RAD51B: variants seen among roughly 807,000 people sequenced by gnomAD.
RAD51B encodes DNA repair protein RAD51 homolog 2.
RAD51B carries 38 observed loss-of-function variants against 42.2 expected under a neutral mutation model. That is an observed-to-expected ratio of 0.90 (90% CI 0.70 to 1.18). The LOEUF is 1.18. Among genes scored for constraint, RAD51B ranks in the 50% most tolerant of loss-of-function variants. The pLI, the probability that RAD51B is intolerant of heterozygous loss-of-function variation, is 0.00. For missense variants in RAD51B, 373 were observed against 400.7 expected (o/e 0.93, Z 0.59); for synonymous variants, 154 against 145.2 (o/e 1.06, Z -0.43).
chr14:68,528,555 A>G (rs959068031), intron 10 of RAD51B, among the ~76,000 whole-genome samples: 2 of 152,236 alleles, frequency 1.3e-5, no homozygotes, highest in African/African-American at 4.8e-5. Context: ...CATCTTGACC[A>G]GTAAATGTCA....
chr14:68,563,275 G>T, intron 10 of RAD51B: 2 of 985,398 alleles, frequency 2.0e-6, no homozygotes, highest in Non-Finnish European at 2.4e-6. Context: ...CATCCAGAAT[G>T]GGCCAAGCCG....
At chr14:68,183,025 G>A (rs1420960168) in intron 7 of RAD51B, among the ~76,000 whole-genome samples, 1 of 152,088 alleles carries the variant, frequency 6.6e-6, no homozygotes, top group Non-Finnish European at 1.5e-5. Flanking sequence ...CTTATTTGGG[G>A]GATTTTGACT....
At chr14:68,499,997 G>A (rs1026831185) in intron 10 of RAD51B, among the ~76,000 whole-genome samples, 3 of 152,194 alleles carry the variant, frequency 2.0e-5, no homozygotes, top group Non-Finnish European at 4.4e-5. Context: ...GAGAGAATCT[G>A]GTCGTCTAGA....
At chr14:68,426,404 A>G (rs1169607334) in intron 9 of RAD51B, among the ~76,000 whole-genome samples, 2 of 152,152 alleles carry the variant, frequency 1.3e-5, no homozygotes, top group African/African-American at 2.4e-5. Context: ...GAGGTATCAG[A>G]CAGAAGAGAT....
intron 11 of RAD51B, among the ~76,000 whole-genome samples, chr14:68,663,683 C>T (rs1264490335): frequency 6.6e-6 from 1 of 152,212 alleles, no homozygotes; most frequent in Non-Finnish European, 1.5e-5. Context: ...TGCCTAAAGA[C>T]TTAGGCCTAA....
intron 7 of RAD51B, among the ~76,000 whole-genome samples, chr14:67,940,376 C>A (rs992041012): frequency 6.6e-6 from 1 of 151,946 alleles, no homozygotes. Flanking sequence ...CCGCACCCAG[C>A]CTTCCCAGTC....
intron 10 of RAD51B, among the ~76,000 whole-genome samples, chr14:68,568,215 T>G (rs915036992): frequency 2.6e-5 from 4 of 152,182 alleles, no homozygotes; most frequent in African/African-American, 9.7e-5. Context: ...TAATACAATG[T>G]GAAAAGTGCT....
intron 8 of RAD51B, among the ~76,000 whole-genome samples, chr14:68,355,034 C>G (rs1226819670): frequency 6.6e-6 from 1 of 152,168 alleles, no homozygotes; most frequent in Non-Finnish European, 1.5e-5. Context: ...AGTAAGCTCT[C>G]TGGCTGTAGA....
At chr14:68,227,245 C>T (rs558068354) in intron 7 of RAD51B, among the ~76,000 whole-genome samples, 2 of 152,298 alleles carry the variant, frequency 1.3e-5, no homozygotes, top group African/African-American at 4.8e-5. Flanking sequence ...AGTCTCTTCC[C>T]TTTCTCTCCC....
At chr14:68,037,563 T>A (rs2076153798) in intron 7 of RAD51B, among the ~76,000 whole-genome samples, 1 of 152,088 alleles carries the variant, frequency 6.6e-6, no homozygotes, top group Non-Finnish European at 1.5e-5. Context: ...TTGACCTACA[T>A]GACTAAACCT....
At chr14:68,282,301 C>T (rs117941592) in intron 7 of RAD51B, among the ~76,000 whole-genome samples, 3,626 of 152,182 alleles carry the variant, frequency 0.024, 71 homozygotes, top group Middle Eastern at 0.034. Context: ...TCCTTTTTAA[C>T]GGGCTTGTAC....
At chr14:68,428,917 C>A (rs181997729) in intron 9 of RAD51B, among the ~76,000 whole-genome samples, 1 of 150,914 alleles carries the variant, frequency 6.6e-6, no homozygotes, top group Non-Finnish European at 1.5e-5. Flanking sequence ...CCCCCCACCC[C>A]ACGACAGGCC....
chr14:68,620,281 G>C (rs952156651), intron 10 of RAD51B, among the ~76,000 whole-genome samples: 10 of 152,314 alleles, frequency 6.6e-5, no homozygotes, highest in African/African-American at 1.9e-4. Flanking sequence ...AGATTCCCAA[G>C]TGAGTCAGCA....
intron 7 of RAD51B, among the ~76,000 whole-genome samples, chr14:67,961,552 A>G (rs1216453669): frequency 6.6e-6 from 1 of 152,212 alleles, no homozygotes; most frequent in African/African-American, 2.4e-5. Flanking sequence ...ATTCTTGTAT[A>G]CATTTTGACA....
downstream of RAD51B, among the ~76,000 whole-genome samples, chr14:68,599,743 G>A (rs375111101): frequency 1.8e-4 from 27 of 152,300 alleles, no homozygotes; most frequent in African/African-American, 6.3e-4. Flanking sequence ...ACTATAAGAA[G>A]CTGGAATGTT....
At chr14:68,260,608 G>C (rs1376436303) in intron 7 of RAD51B, among the ~76,000 whole-genome samples, 3 of 152,122 alleles carry the variant, frequency 2.0e-5, no homozygotes, top group Admixed American at 2.0e-4. Context: ...AGCAAAGCCT[G>C]TTTGTTTAGT....
At chr14:67,858,561 A>T (rs1162353387) in intron 4 of RAD51B, among the ~76,000 whole-genome samples, 6 of 152,238 alleles carry the variant, frequency 3.9e-5, no homozygotes, top group Non-Finnish European at 8.8e-5. Flanking sequence ...CAAAGACACC[A>T]CTCAAAGGTG....
intron 3 of RAD51B, among the ~76,000 whole-genome samples, chr14:67,833,303 G>C (rs1476886012): frequency 6.6e-6 from 1 of 152,178 alleles, no homozygotes. Flanking sequence ...TTGAACCCAG[G>C]AAGTGGAGGT....
Position 67,951,639 on chromosome 14 carries a change from G to A in RAD51B, c.756+64435G>A, listed in dbSNP as rs72725142. Among the ~76,000 whole-genome samples, 860 of 152,176 alleles carry A rather than the reference G, an allele frequency of 5.7e-3. 1 individual carries two copies. Among genetic ancestry groups the A allele is most frequent in the Non-Finnish European group, 8.8e-3 (599 of 67,966 alleles). On this transcript the variant is annotated intron_variant, in intron 7 of 10. Coordinates refer to ENST00000471583, the MANE Select transcript of RAD51B (RefSeq NM_133510.4). ...AGAAAGATTACTGCTTTATCAATAG[G>A]TGAAAGTTCAGGTTTATCTGAATTT...
Sources: allele counts gnomAD v4.1 joint callset (sites outside exome capture counted in the v4.1 genomes callset), GRCh38; gene constraint gnomAD v4.1.1; transcripts MANE v1.5; gene names NCBI Gene and HGNC (gene_info 2026-07-23, HGNC 2026-07-21).